The following SBF2 variants were observed in gnomAD, a reference collection of about 807,000 sequenced individuals.
SBF2 encodes myotubularin-related protein 13.
A neutral mutation model predicts 225.2 loss-of-function variants in SBF2; 112 were observed. The observed-to-expected ratio is 0.50, with a 90% confidence interval of 0.43 to 0.58. The LOEUF (loss-of-function observed/expected upper bound fraction) is 0.58. Among genes scored for constraint, SBF2 ranks in the 20% least tolerant of loss-of-function variants. The pLI is 0.00. For missense variants in SBF2, 1,996 were observed against 2,206.2 expected (o/e 0.90, Z 1.91); for synonymous variants, 763 against 773.3 (o/e 0.99, Z 0.22).
chr11:9,882,905 G>A (rs537518970), intron 17 of SBF2, among the ~76,000 whole-genome samples: 44 of 150,156 alleles, frequency 2.9e-4, no homozygotes, highest in African/African-American at 8.1e-4. Context: ...ATAAAATATC[G>A]TTTAATTCAC....
Position 10,208,213 on chromosome 11 carries a change from A to C in SBF2, c.56-14226T>G, listed in dbSNP as rs575784898. Among the ~76,000 whole-genome samples, 4 of 152,222 alleles carry C rather than the reference A, an allele frequency of 2.6e-5. No individual in the cohort carries two copies. In the East Asian group the frequency reaches 7.7e-4, roughly 29 times the overall value. On this transcript the variant is annotated intron_variant, in intron 1 of 39. Coordinates refer to ENST00000256190, the MANE Select transcript of SBF2 (RefSeq NM_030962.4). Reference sequence around the variant, plus strand: ...CTGGCTCTAAACTTCAGGCACGGTAAACCAACAAAAAATGTGAAATACATA... The same window carrying C: ...CTGGCTCTAAACTTCAGGCACGGTACACCAACAAAAAATGTGAAATACATA...
chr11:9,988,470 C>A (rs907300600), intron 13 of SBF2, among the ~76,000 whole-genome samples: 1 of 152,096 alleles, frequency 6.6e-6, no homozygotes. Context: ...AACAGACAAC[C>A]CACAGAGTGG....
intron 1 of SBF2, among the ~76,000 whole-genome samples, chr11:10,273,355 G>T (rs7110652): frequency 6.6e-6 from 1 of 151,722 alleles, no homozygotes; most frequent in South Asian, 2.1e-4. Flanking sequence ...TTAAAAAATT[G>T]CTTCAACATT....
At chr11:10,139,301 G>A (rs1186048707) in intron 2 of SBF2, among the ~76,000 whole-genome samples, 3 of 152,078 alleles carry the variant, frequency 2.0e-5, no homozygotes, top group Non-Finnish European at 4.4e-5. Context: ...CGTAAACCAG[G>A]CATATTGTAG....
chr11:10,017,238 A>G (rs1289793030), intron 6 of SBF2, among the ~76,000 whole-genome samples: 3 of 152,252 alleles, frequency 2.0e-5, no homozygotes, highest in African/African-American at 7.2e-5. Context: ...TTCTCTGAAT[A>G]ATAATGATAT....
chr11:9,795,228 A>G (rs1381167520), intron 33 of SBF2, among the ~76,000 whole-genome samples: 1 of 152,212 alleles, frequency 6.6e-6, no homozygotes. Context: ...AATGCGAGTG[A>G]TGTCTAAAAT....
In SBF2 at chr11:10,224,817, G is replaced by T. The variant is rs1479403554; in HGVS notation, c.56-30830C>A. Among the ~76,000 whole-genome samples, 4 of 152,122 alleles carry T rather than the reference G, an allele frequency of 2.6e-5. No homozygotes were observed. The South Asian group carries it at 6.2e-4, about 24-fold the overall frequency. ...ACTTGTCACAAATTGCTTAATTATG[G>T]TGTTGTTGTTTTGTTTTGCTTTTAT... is the stretch of plus-strand genomic sequence containing the variant. On this transcript the variant is annotated intron_variant, in intron 1 of 39. Transcript: ENST00000256190.
intron 17 of SBF2, among the ~76,000 whole-genome samples, chr11:9,858,705 A>G (rs548370610): frequency 6.6e-6 from 1 of 152,326 alleles, no homozygotes; most frequent in African/African-American, 2.4e-5. Flanking sequence ...AGTGAATATT[A>G]TTACAATTAG....
At chr11:10,223,399 T>TTATTTATATATA (rs1958412832) in intron 1 of SBF2, among the ~76,000 whole-genome samples, 1 of 59,278 alleles carries the variant, frequency 1.7e-5, no homozygotes, top group Non-Finnish European at 3.4e-5. Context: ...ATTTTGCACA[T>TTATTTATATATA]TATATATATA....
At chr11:10,130,788 A>G (rs866343015) in intron 2 of SBF2, among the ~76,000 whole-genome samples, 21 of 152,186 alleles carry the variant, frequency 1.4e-4, no homozygotes, top group African/African-American at 3.6e-4. Context: ...TGAATCGTAC[A>G]GTATGTGTCT....
chr11:9,996,934 A>G (rs941274913), intron 9 of SBF2, among the ~76,000 whole-genome samples: 6 of 152,224 alleles, frequency 3.9e-5, no homozygotes, highest in Non-Finnish European at 2.9e-5. Flanking sequence ...GTGATTCTCA[A>G]TAATACCAAG....
chr11:9,918,059 A>C (rs1004291547), intron 16 of SBF2, among the ~76,000 whole-genome samples: 1 of 151,524 alleles, frequency 6.6e-6, no homozygotes, highest in African/African-American at 2.4e-5. Context: ...CCACCCAACA[A>C]TATGTTTAGT....
intron 3 of SBF2, among the ~76,000 whole-genome samples, chr11:10,032,691 T>G (rs1161078286): frequency 6.6e-6 from 1 of 152,230 alleles, no homozygotes; most frequent in Non-Finnish European, 1.5e-5. Context: ...ACTTATCTTG[T>G]TTTTTAGTTT....
intron 1 of SBF2, chr11:10,272,390 A>G (rs1962563348): frequency 2.0e-6 from 1 of 493,914 alleles, no homozygotes; most frequent in South Asian, 2.9e-5. Context: ...TAAGTCTTGC[A>G]ACAATTTCTT....
At chr11:9,898,822 G>C (rs1861484472) in intron 16 of SBF2, among the ~76,000 whole-genome samples, 1 of 151,994 alleles carries the variant, frequency 6.6e-6, no homozygotes, top group African/African-American at 2.4e-5. Flanking sequence ...TCATCCTATT[G>C]AATAAACATT....
chr11:10,152,639 T>C (rs887243214), intron 2 of SBF2, among the ~76,000 whole-genome samples: 1 of 152,060 alleles, frequency 6.6e-6, no homozygotes, highest in Admixed American at 6.6e-5. Context: ...GCCTACTGTA[T>C]TTCAGGTATT....
At position 10,265,058 on chromosome 11, in the gene SBF2, T is replaced by C. The variant is rs1322278263; in HGVS notation, c.55+28957A>G. 2.6e-5 allele frequency among the ~76,000 whole-genome samples: 4 copies of C among 152,162 alleles called. No individual in the cohort carries two copies. In the East Asian group the frequency reaches 5.8e-4, roughly 22 times the overall value. Reference sequence around the variant, plus strand: ...AGTAAACATACGTGTGCATGTGTCTTTACAGCAGAATGATTTATAATCCTT... The same window carrying C: ...AGTAAACATACGTGTGCATGTGTCTCTACAGCAGAATGATTTATAATCCTT... On this transcript the variant is annotated intron_variant, in intron 1 of 39. Coordinates refer to ENST00000256190, the MANE Select transcript of SBF2 (RefSeq NM_030962.4).
chr11:10,262,609 GCTTT>G (rs754539883), intron 1 of SBF2, among the ~76,000 whole-genome samples: 90 of 152,230 alleles, frequency 5.9e-4, no homozygotes, highest in Non-Finnish European at 1.0e-3. Context: ...TGTTTATTAT[GCTTT>G]CTATGTATGT....
chr11:9,927,378 C>T (rs1014740308), intron 16 of SBF2, among the ~76,000 whole-genome samples: 1 of 152,126 alleles, frequency 6.6e-6, no homozygotes, highest in Non-Finnish European at 1.5e-5. Context: ...CACTTCCCAA[C>T]TGATTTTATG....
Sources: allele counts gnomAD v4.1 joint callset (sites outside exome capture counted in the v4.1 genomes callset), GRCh38; gene constraint gnomAD v4.1.1; transcripts MANE v1.5; gene names NCBI Gene and HGNC (gene_info 2026-07-23, HGNC 2026-07-21).